Variants in ERBIN observed in about 807,000 individuals in gnomAD.
ERBIN encodes the protein densin-180-like protein.
In ERBIN, 60 loss-of-function variants were observed where a neutral mutation model predicts 158.4. The observed-to-expected ratio is 0.38, with a 90% CI of 0.31 to 0.47. The LOEUF is 0.47. Ranked by LOEUF, ERBIN falls within the 20% of genes least tolerant of loss-of-function variation. The pLI is 0.99. For missense variants in ERBIN, 1,610 were observed against 1,648.0 expected, an observed-to-expected ratio of 0.98 and a Z score of 0.40; for synonymous variants, 594 against 557.2, an observed-to-expected ratio of 1.07 and a Z score of -0.93.
chr5:66,072,957 C>T (rs922097058), intron 22 of ERBIN, among the ~76,000 whole-genome samples: 1 of 152,116 alleles, frequency 6.6e-6, no homozygotes, highest in Non-Finnish European at 1.5e-5. Flanking sequence ...TATATAAGTT[C>T]ATAAGTCATC....
At chr5:66,000,484 CTT>C (rs1019357818) in intron 4 of ERBIN, among the ~76,000 whole-genome samples, 1 of 152,050 alleles carries the variant, frequency 6.6e-6, no homozygotes, top group African/African-American at 2.4e-5. Flanking sequence ...ATATTGAAAA[CTT>C]TTAAACAATT....
intron 21 of ERBIN, among the ~76,000 whole-genome samples, chr5:66,063,424 CA>C (rs1238264995): frequency 1.3e-5 from 2 of 152,166 alleles, no homozygotes; most frequent in African/African-American, 4.8e-5. Context: ...CCCGATTTTC[CA>C]GGTGCCATCT....
chr5:65,927,558 C>G (rs978463790), intron 1 of ERBIN, among the ~76,000 whole-genome samples: 1 of 152,278 alleles, frequency 6.6e-6, no homozygotes, highest in Admixed American at 6.5e-5. Flanking sequence ...ACAACATTAA[C>G]AACCTGTAAG....
At chr5:65,984,984 A>G (rs1751061177) in intron 1 of ERBIN, 1 of 152,288 alleles carries the variant, frequency 6.6e-6, no homozygotes, top group African/African-American at 2.4e-5. Context: ...AAACAATCTC[A>G]AGTAGTGGAT....
At chr5:65,943,330 A>G (rs1242498967) in intron 1 of ERBIN, among the ~76,000 whole-genome samples, 2 of 152,218 alleles carry the variant, frequency 1.3e-5, no homozygotes, top group African/African-American at 4.8e-5. Context: ...TACTGACAGC[A>G]TATGTGGGAA....
intron 1 of ERBIN, among the ~76,000 whole-genome samples, chr5:65,940,236 G>A (rs1396935015): frequency 3.3e-5 from 5 of 150,852 alleles, no homozygotes; most frequent in Admixed American, 6.6e-5. Context: ...CTACCCGGCC[G>A]TGACCCCGTC....
Position 66,028,286 on chromosome 5 carries a change from A to G in ERBIN, c.1149A>G (p.Leu383=). The G allele has an allele frequency of 1.2e-6, 2 of 1,609,176 alleles. No individual in the cohort carries two copies. The highest frequency in any genetic ancestry group is 1.3e-5 in the African/African-American group (1 of 74,834). Reference sequence around the variant, plus strand: ...TTTTTTCCTACAGATTAAAGAATTTACCCTTTAGCTTTACAAAGCTACAGC... The same window carrying G: ...TTTTTTCCTACAGATTAAAGAATTTGCCCTTTAGCTTTACAAAGCTACAGC... The part of the protein sequence containing the change: ...INLSDNRLKN[L]PFSFTKLQQL... Residue 383 remains leucine (L), a synonymous_variant, in exon 14 of 26, where the codon TTA becomes TTG. Coordinates refer to ENST00000284037, the MANE Select transcript of ERBIN (RefSeq NM_001253697.2).
At chr5:65,995,774 C>G (rs1274411342) in intron 4 of ERBIN, among the ~76,000 whole-genome samples, 3 of 152,148 alleles carry the variant, frequency 2.0e-5, no homozygotes, top group Admixed American at 1.3e-4. Context: ...ACACCCTCAT[C>G]AGCACTTATC....
chr5:66,046,210 AC>A, intron 17 of ERBIN, 142 bp from the exon 18 acceptor site: 2 of 438,700 alleles, frequency 4.6e-6, no homozygotes, highest in Non-Finnish European at 4.0e-6. Flanking sequence ...TGTGAGTGTC[AC>A]AGGTTTCTAT....
At chr5:66,014,792 G>A (rs546924202) in intron 7 of ERBIN, 67 bp downstream of exon 7, 1 of 778,820 alleles carries the variant, frequency 1.3e-6, no homozygotes, top group African/African-American at 1.9e-5. Flanking sequence ...CTTTAAAAAT[G>A]TAAATTTTTA....
chr5:66,012,045 C>T lies in ERBIN; in HGVS notation c.308-4C>T, dbSNP rs755033334. The T allele has an allele frequency of 6.4e-7, 1 of 1,573,712 alleles. No homozygotes were observed. Among genetic ancestry groups the T allele is most frequent in the African/African-American group, 1.4e-5 (1 of 73,614 alleles). On this transcript the variant is annotated splice_polypyrimidine_tract_variant and splice_region_variant and intron_variant, in intron 4 of 25. Coordinates refer to ENST00000284037, the MANE Select transcript of ERBIN (RefSeq NM_001253697.2). Reference sequence around the variant, plus strand: ...TTTTAATTTGATCGTTGTTTGTTTTCTAGGAATACAGGAGTTTCCAGAAAA... The same window carrying T: ...TTTTAATTTGATCGTTGTTTGTTTTTTAGGAATACAGGAGTTTCCAGAAAA...
In ERBIN at chr5:65,971,510, C is replaced by T. The variant is rs555745474; in HGVS notation, c.-57-17125C>T. Among the ~76,000 whole-genome samples, 14 of 152,068 alleles carry T rather than the reference C, an allele frequency of 9.2e-5. No individual in the cohort carries two copies. In the South Asian group the frequency reaches 2.7e-3, roughly 29 times the overall value. On this transcript the variant is annotated intron_variant, in intron 1 of 25. Transcript: ENST00000284037. ...AATGAGACTCCTTGGATGAAAGTAA[C>T]CAAAACCAGTAAAAATAAGGTAATA... is the stretch of plus-strand genomic sequence containing the variant.
chr5:66,020,863 A>G (rs1290340783), intron 7 of ERBIN, among the ~76,000 whole-genome samples: 2 of 152,022 alleles, frequency 1.3e-5, no homozygotes, highest in Admixed American at 1.3e-4. Context: ...AATACAACGT[A>G]CTGTTAGCAT....
chr5:65,950,250 CT>C (rs1746339352), intron 1 of ERBIN, among the ~76,000 whole-genome samples: 1 of 152,196 alleles, frequency 6.6e-6, no homozygotes, highest in Non-Finnish European at 1.5e-5. Context: ...CGTGATCCCC[CT>C]GCCTTGTCCT....
chr5:65,971,148 A>C (rs1749201576), intron 1 of ERBIN, among the ~76,000 whole-genome samples: 1 of 151,982 alleles, frequency 6.6e-6, no homozygotes, highest in Admixed American at 6.5e-5. Context: ...AGTCGTTTTG[A>C]TGATAAATCT....
intron 1 of ERBIN, among the ~76,000 whole-genome samples, chr5:65,985,873 A>G (rs376062869): frequency 1.5e-4 from 23 of 152,266 alleles, no homozygotes; most frequent in East Asian, 5.8e-4. Context: ...TCACATTAAT[A>G]CACAGTGGCC....
chr5:65,935,009 G>A (rs1743910139), intron 1 of ERBIN, among the ~76,000 whole-genome samples: 1 of 152,062 alleles, frequency 6.6e-6, no homozygotes, highest in African/African-American at 2.4e-5. Flanking sequence ...AGTGGAAAAT[G>A]ATACTTAGAA....
chr5:66,051,817 C>T (rs1314966420), intron 20 of ERBIN, among the ~76,000 whole-genome samples: 2 of 151,480 alleles, frequency 1.3e-5, no homozygotes, highest in Non-Finnish European at 2.9e-5. Flanking sequence ...ATTGCTTGAG[C>T]CCAGGAGGCG....
At chr5:66,052,030 C>T (rs998034799) in intron 20 of ERBIN, among the ~76,000 whole-genome samples, 3 of 151,614 alleles carry the variant, frequency 2.0e-5, no homozygotes, top group Non-Finnish European at 4.4e-5. Context: ...ATGGTGAAAC[C>T]ATGTCTCTAC....
Sources: allele counts gnomAD v4.1 joint callset (sites outside exome capture counted in the v4.1 genomes callset), GRCh38; gene constraint gnomAD v4.1.1; transcripts MANE v1.5; gene names NCBI Gene and HGNC (gene_info 2026-07-23, HGNC 2026-07-21).